Variants in CADPS2 observed in about 807,000 individuals in gnomAD.
CADPS2 encodes the protein calcium dependent secretion activator 2.
In CADPS2, 93 loss-of-function variants were observed where a neutral mutation model predicts 172.5. The observed-to-expected ratio is 0.54, with a 90% CI of 0.46 to 0.64. The LOEUF (loss-of-function observed/expected upper bound fraction) is 0.64. CADPS2 is among the 30% of genes least tolerant of loss of function. CADPS2 has a pLI of 0.00. For synonymous variants in CADPS2, 546 were observed against 555.2 expected, an observed-to-expected ratio of 0.98 and a Z score of 0.23; for missense variants, 1,420 against 1,565.9, an observed-to-expected ratio of 0.91 and a Z score of 1.57.
chr7:122,651,525 C>A (rs1006102908), intron 3 of CADPS2, among the ~76,000 whole-genome samples: 34 of 152,278 alleles, frequency 2.2e-4, no homozygotes, highest in African/African-American at 7.5e-4. Flanking sequence ...AAACTTGAAG[C>A]CTACTTTTTA....
At chr7:122,801,883 G>A (rs895245999) in intron 1 of CADPS2, among the ~76,000 whole-genome samples, 2 of 151,698 alleles carry the variant, frequency 1.3e-5, no homozygotes, top group East Asian at 1.9e-4. Flanking sequence ...GCCACTCTGC[G>A]CAGGTGAGAA....
intron 14 of CADPS2, among the ~76,000 whole-genome samples, chr7:122,469,866 G>A (rs925183347): frequency 1.3e-5 from 2 of 151,942 alleles, no homozygotes; most frequent in Non-Finnish European, 2.9e-5. Context: ...TAGCACATAA[G>A]TATATATGAC....
At chr7:122,816,031 T>C (rs1563084871) in intron 1 of CADPS2, among the ~76,000 whole-genome samples, 1 of 152,140 alleles carries the variant, frequency 6.6e-6, no homozygotes, top group Non-Finnish European at 1.5e-5. Flanking sequence ...AATATTCCAA[T>C]TCCACTGTTT....
Position 122,474,437 on chromosome 7 carries a change from T to TA in CADPS2, c.1941dup (p.Arg648Ter). On this transcript the variant is annotated frameshift_variant, in exon 13 of 30. Transcript: ENST00000449022. LOFTEE classifies it high-confidence loss of function. ...TCCAAAGTCTGCCTCTGGAGTATTCTAAAAAGGAAGGCATGATCAAGCTTG... is the reference window on the plus strand; with the variant it reads ...TCCAAAGTCTGCCTCTGGAGTATTCTAAAAAAGGAAGGCATGATCAAGCTTG... The TA allele has an allele frequency of 6.2e-7, 1 of 1,613,454 alleles. No homozygotes were observed.
At chr7:122,601,914 A>C (rs1176535763) in intron 6 of CADPS2, among the ~76,000 whole-genome samples, 2 of 152,080 alleles carry the variant, frequency 1.3e-5, no homozygotes, top group African/African-American at 4.8e-5. Context: ...CTCCCTTTTA[A>C]ACGGGAAGGC....
intron 1 of CADPS2, among the ~76,000 whole-genome samples, chr7:122,807,560 T>G (rs1351538089): frequency 6.6e-6 from 1 of 152,202 alleles, no homozygotes; most frequent in Non-Finnish European, 1.5e-5. Context: ...TTGTTCCTTT[T>G]GGGGTTGCTA....
intron 20 of CADPS2, among the ~76,000 whole-genome samples, chr7:122,394,990 T>C (rs565950752): frequency 6.6e-6 from 1 of 152,344 alleles, no homozygotes; most frequent in Non-Finnish European, 1.5e-5. Flanking sequence ...TTCACTTTTA[T>C]GGATTTGAAT....
At position 122,676,586 on chromosome 7, in the gene CADPS2, C is replaced by T. The variant is rs2082405005; in HGVS notation, c.454-13017G>A. Reference sequence around the variant, plus strand: ...TAGCCCCAATTAAATATCCACTTCACACAGCATGACTACAGAGAGATCCTG... The same window carrying T: ...TAGCCCCAATTAAATATCCACTTCATACAGCATGACTACAGAGAGATCCTG... On this transcript the variant is annotated intron_variant, in intron 2 of 29. Coordinates refer to ENST00000449022, the MANE Select transcript of CADPS2 (RefSeq NM_017954.11). 5.1e-6 allele frequency: 5 copies of T among 975,416 alleles called. 1 individual carries two copies. Among genetic ancestry groups the T allele is most frequent in the Non-Finnish European group, 6.2e-6 (4 of 645,940 alleles). 60.4% of individuals were successfully genotyped at this position (975,416 alleles called of 1,614,324 possible).
intron 27 of CADPS2, among the ~76,000 whole-genome samples, chr7:122,350,199 A>C (rs1170302082): frequency 6.6e-6 from 1 of 152,186 alleles, no homozygotes; most frequent in Non-Finnish European, 1.5e-5. Flanking sequence ...AGAAAAAAGG[A>C]TCATGTAAGA....
chr7:122,347,815 T>C (rs574609186), intron 27 of CADPS2, among the ~76,000 whole-genome samples: 23 of 152,324 alleles, frequency 1.5e-4, no homozygotes, highest in East Asian at 5.8e-4. Flanking sequence ...ATTACTACTA[T>C]TAATACTTGA....
intron 6 of CADPS2, among the ~76,000 whole-genome samples, chr7:122,598,673 G>A (rs2072274895): frequency 6.6e-6 from 1 of 152,016 alleles, no homozygotes; most frequent in Non-Finnish European, 1.5e-5. Flanking sequence ...AGTTTTATAG[G>A]CATAACTAAT....
At chr7:122,546,502 T>C (rs17381305) in intron 8 of CADPS2, among the ~76,000 whole-genome samples, 30,567 of 152,200 alleles carry the variant, frequency 0.2, 4,063 homozygotes, top group Non-Finnish European at 0.3. Context: ...TCCTATCCTT[T>C]GCTATGTTCC....
chr7:122,790,026 G>GTT lies in CADPS2; in HGVS notation c.340-52959_340-52958insAA, dbSNP rs771290127. On this transcript the variant is annotated intron_variant, in intron 1 of 29. Coordinates refer to ENST00000449022, the MANE Select transcript of CADPS2 (RefSeq NM_017954.11). ...ATAAGAATAGGCAAACAAATATTAA[G>GTT]TGTTTTTTTTTTTTTTTTTTGAAAA... Among the ~76,000 whole-genome samples, 34 of 141,088 alleles carry GTT rather than the reference G, an allele frequency of 2.4e-4. 1 individual carries two copies. The highest frequency in any genetic ancestry group is 7.4e-4 in the African/African-American group (28 of 37,692). The allele number at this position is 141,088 out of a possible 152,430, so 92.6% of individuals were successfully genotyped here.
At chr7:122,874,567 T>TA (rs1820704919) in intron 1 of CADPS2, among the ~76,000 whole-genome samples, 1 of 152,172 alleles carries the variant, frequency 6.6e-6, no homozygotes, top group Admixed American at 6.5e-5. Flanking sequence ...AGAGCTCGTA[T>TA]AGCCAAGACA....
chr7:122,800,679 A>C (rs1797417712), intron 1 of CADPS2, among the ~76,000 whole-genome samples: 1 of 152,164 alleles, frequency 6.6e-6, no homozygotes, highest in Non-Finnish European at 1.5e-5. Context: ...TTTACAACTA[A>C]AGGAGGAAAA....
chr7:122,849,999 C>T, intron 1 of CADPS2: 1 of 784,402 alleles, frequency 1.3e-6, no homozygotes, highest in Non-Finnish European at 1.9e-6. Flanking sequence ...CCCAAGCCTG[C>T]CTAGGCTGGG....
intron 7 of CADPS2, among the ~76,000 whole-genome samples, chr7:122,565,889 C>T (rs1046306743): frequency 6.6e-6 from 1 of 152,142 alleles, no homozygotes; most frequent in Non-Finnish European, 1.5e-5. Flanking sequence ...GGGACTGATT[C>T]ATCTTAACGA....
intron 2 of CADPS2, among the ~76,000 whole-genome samples, chr7:122,728,976 T>C (rs1021856294): frequency 1.3e-5 from 2 of 151,818 alleles, no homozygotes; most frequent in East Asian, 1.9e-4. Context: ...GAACTTTAAC[T>C]GTATGTTTGT....
At chr7:122,390,207 T>G (rs780663735) in intron 22 of CADPS2, among the ~76,000 whole-genome samples, 2 of 152,024 alleles carry the variant, frequency 1.3e-5, no homozygotes, top group Non-Finnish European at 2.9e-5. Flanking sequence ...CACCGTAATA[T>G]TCAGTGCCTC....
Sources: gnomAD v4.1 joint callset for allele counts (sites outside exome capture counted in the v4.1 genomes callset) on GRCh38, gnomAD v4.1.1 for gene constraint, MANE v1.5 for transcripts, NCBI Gene and HGNC (gene_info 2026-07-23, HGNC 2026-07-21) for gene names.